CSNK2A2IP: variants seen among roughly 807,000 people sequenced by gnomAD.
CSNK2A2IP encodes the protein casein kinase II subunit alpha'-interacting protein.
the CSNK2A2IP span, among the ~76,000 whole-genome samples, chr3:88,375,521 T>C: frequency 6.6e-6 from 1 of 151,720 alleles, no homozygotes; most frequent in African/African-American, 2.4e-5. Context: ...CTGTCAGTGA[T>C]CTAGTCACAG....
the CSNK2A2IP span, among the ~76,000 whole-genome samples, chr3:88,398,913 G>C: frequency 1.3e-5 from 2 of 152,074 alleles, no homozygotes; most frequent in African/African-American, 4.8e-5. Flanking sequence ...ATAGATATCT[G>C]AGGAAGAAAC....
At chr3:88,384,008 G>C in the CSNK2A2IP span, among the ~76,000 whole-genome samples, 3 of 152,036 alleles carry the variant, frequency 2.0e-5, no homozygotes, top group Non-Finnish European at 2.9e-5. Flanking sequence ...GATTGGTATA[G>C]AATATAGAAT....
At chr3:88,397,858 C>T in the CSNK2A2IP span, among the ~76,000 whole-genome samples, 1 of 151,720 alleles carries the variant, frequency 6.6e-6, no homozygotes, top group Admixed American at 6.6e-5. Flanking sequence ...AAGAAGTGTC[C>T]TGATAATACA....
At chr3:88,437,445 A>C in the CSNK2A2IP span, among the ~76,000 whole-genome samples, 2 of 152,232 alleles carry the variant, frequency 1.3e-5, no homozygotes, top group Non-Finnish European at 2.9e-5. Context: ...AGTTTGACTG[A>C]AGTTGAGCAG....
the CSNK2A2IP span, among the ~76,000 whole-genome samples, chr3:88,449,818 GAGAC>G: frequency 2.7e-3 from 169 of 61,598 alleles, no homozygotes; most frequent in Middle Eastern, 9.3e-3. Flanking sequence ...TTTTTATATC[GAGAC>G]ACACACACAC....
chr3:88,427,475 T>A, the CSNK2A2IP span, among the ~76,000 whole-genome samples: 1 of 152,302 alleles, frequency 6.6e-6, no homozygotes, highest in East Asian at 1.9e-4. Flanking sequence ...GGAAAATGTC[T>A]CCAGGGCGTA....
the CSNK2A2IP span, among the ~76,000 whole-genome samples, chr3:88,344,361 T>C: frequency 0.41 from 62,238 of 151,606 alleles, 14,677 homozygotes; most frequent in South Asian, 0.6. Flanking sequence ...TATGTTGTTT[T>C]AAAATTTTCC....
chr3:88,438,910 G>A, the CSNK2A2IP span, among the ~76,000 whole-genome samples: 2,072 of 142,246 alleles, frequency 0.015, 40 homozygotes, highest in African/African-American at 0.049. Flanking sequence ...ACATCTCCAT[G>A]TTGTCTTCAA....
At chr3:88,400,342 A>C in the CSNK2A2IP span, among the ~76,000 whole-genome samples, 1 of 152,070 alleles carries the variant, frequency 6.6e-6, no homozygotes, top group Non-Finnish European at 1.5e-5. Flanking sequence ...CCACTACATA[A>C]TCTAATGCTG....
the CSNK2A2IP span, among the ~76,000 whole-genome samples, chr3:88,426,992 G>C: frequency 5.9e-5 from 9 of 152,044 alleles, no homozygotes; most frequent in African/African-American, 2.2e-4. Flanking sequence ...GGAGGGCTCA[G>C]CAGAAGAAAG....
chr3:88,463,047 T>C, the CSNK2A2IP span, among the ~76,000 whole-genome samples: 1 of 152,176 alleles, frequency 6.6e-6, no homozygotes, highest in Admixed American at 6.5e-5. Context: ...AAAAGTCACC[T>C]TGACATAAAG....
chr3:88,364,446 G>T, the CSNK2A2IP span, among the ~76,000 whole-genome samples: 58,039 of 151,470 alleles, frequency 0.38, 14,094 homozygotes, highest in South Asian at 0.6. Flanking sequence ...TGTTAGGGCA[G>T]ACATAAAATA....
At chr3:88,371,952 T>C in the CSNK2A2IP span, among the ~76,000 whole-genome samples, 6 of 151,698 alleles carry the variant, frequency 4.0e-5, no homozygotes, top group Non-Finnish European at 8.9e-5. Flanking sequence ...CTGAGATTTC[T>C]ATACCCAGCC....
At chr3:88,346,735 C>T in the CSNK2A2IP span, among the ~76,000 whole-genome samples, 3 of 151,944 alleles carry the variant, frequency 2.0e-5, no homozygotes, top group South Asian at 6.2e-4. Flanking sequence ...CATCTGGTCA[C>T]TCAGGAGCTC....
chr3:88,369,912 C>T, the CSNK2A2IP span, among the ~76,000 whole-genome samples: 11 of 151,938 alleles, frequency 7.2e-5, no homozygotes, highest in Admixed American at 3.9e-4. Context: ...TAAATCTGAG[C>T]GTAAACTCAG....
chr3:88,345,814 A>T, the CSNK2A2IP span, among the ~76,000 whole-genome samples: 16 of 151,980 alleles, frequency 1.1e-4, no homozygotes, highest in African/African-American at 2.9e-4. Context: ...AAAGTGTTCA[A>T]ATGAAAGGAA....
At chr3:88,431,048 A>G in the CSNK2A2IP span, 7 of 152,254 alleles carry the variant, frequency 4.6e-5, no homozygotes, top group Non-Finnish European at 7.3e-5. Flanking sequence ...ATTCTACTAA[A>G]GCAACATAAA....
At chr3:88,447,364 G>A in the CSNK2A2IP span, among the ~76,000 whole-genome samples, 1 of 151,990 alleles carries the variant, frequency 6.6e-6, no homozygotes, top group African/African-American at 2.4e-5. Context: ...TTACTGATGG[G>A]AATATTTGGT....
chr3:88,453,011 T>G, the CSNK2A2IP span, among the ~76,000 whole-genome samples: 1 of 152,080 alleles, frequency 6.6e-6, no homozygotes, highest in Non-Finnish European at 1.5e-5. Flanking sequence ...TGGGTTTATA[T>G]TTGTATAAAA....
Sources: gnomAD v4.1 joint callset for allele counts (sites outside exome capture counted in the v4.1 genomes callset) on GRCh38, gnomAD v4.1.1 for gene constraint, MANE v1.5 for transcripts, NCBI Gene and HGNC (gene_info 2026-07-23, HGNC 2026-07-21) for gene names.